The following CCDC13 variants were observed in gnomAD, a reference collection of about 807,000 sequenced individuals.
CCDC13 encodes coiled-coil domain containing 13, also known as coiled-coil domain-containing protein 13.
A neutral mutation model predicts 87.3 loss-of-function variants in CCDC13; 70 were observed. That is an observed-to-expected ratio of 0.80 (90% CI 0.66 to 0.98). The LOEUF (loss-of-function observed/expected upper bound fraction) is 0.98, where lower values mean the gene tolerates loss of function less well. Ranked by LOEUF, CCDC13 falls within the 50% of genes least tolerant of loss-of-function variation. CCDC13 has a pLI of 0.00. For missense variants in CCDC13, 842 were observed against 892.0 expected, an observed-to-expected ratio of 0.94 and a Z score of 0.71; for synonymous variants, 317 against 360.3, an observed-to-expected ratio of 0.88 and a Z score of 1.36.
Position 42,720,963 on chromosome 3 carries a change from G to C in CCDC13, c.1719-7647C>G, listed in dbSNP as rs935365501. 2.6e-5 allele frequency among the ~76,000 whole-genome samples: 4 copies of C among 152,274 alleles called. No individual in the cohort carries two copies. In the South Asian group the frequency reaches 6.2e-4, roughly 24 times the overall value. ...AAATTTATCTATAAGGTTTTATTAA[G>C]AATTGGATTTGACATCAATAACGCA... On this transcript the variant is annotated intron_variant, in intron 13 of 15. Transcript: ENST00000310232.
intron 4 of CCDC13, 39 bp from the exon 5 acceptor site, chr3:42,752,064 G>A (rs769681932): frequency 2.4e-5 from 38 of 1,556,582 alleles, no homozygotes; most frequent in Non-Finnish European, 3.2e-5. Flanking sequence ...TCTGCTCAGC[G>A]ATTGTGCAGC....
intron 13 of CCDC13, among the ~76,000 whole-genome samples, chr3:42,721,274 T>C (rs1161484660): frequency 1.3e-5 from 2 of 152,224 alleles, no homozygotes; most frequent in East Asian, 1.9e-4. Context: ...ACAATTGTTG[T>C]CCTGTTTTAA....
Position 42,709,801 on chromosome 3 carries a change from G to C in CCDC13, c.1874-3C>G. 1 of 1,612,498 alleles carries C rather than the reference G, an allele frequency of 6.2e-7. No homozygotes were observed. The highest frequency in any genetic ancestry group is 8.5e-7 in the Non-Finnish European group (1 of 1,178,538). ...CCTGTTGTTAGAGGTGGGCAGACCT[G>C]TGGGGCAGCAGCAACCACTTTCTGT... On this transcript the variant is annotated splice_region_variant and splice_polypyrimidine_tract_variant and intron_variant, in intron 14 of 15. Transcript: ENST00000310232.
At chr3:42,739,500 T>G in intron 9 of CCDC13, 134 bp downstream of exon 9, 1 of 984,550 alleles carries the variant, frequency 1.0e-6, no homozygotes, top group Non-Finnish European at 1.5e-6. Flanking sequence ...CTGGGGGCCA[T>G]CTGGAGGCAA....
chr3:42,746,991 C>T (rs1335342557), intron 6 of CCDC13: 6 of 571,590 alleles, frequency 1.0e-5, no homozygotes, highest in East Asian at 6.5e-5. Context: ...CCTCCTCAGT[C>T]TAGAGCTGGG....
chr3:42,732,780 G>A, intron 12 of CCDC13, 107 bp downstream of exon 12: 1 of 935,386 alleles, frequency 1.1e-6, no homozygotes, highest in South Asian at 1.6e-5. Flanking sequence ...AGAGTCCCTG[G>A]ACTTTGCCTG....
intron 9 of CCDC13, among the ~76,000 whole-genome samples, chr3:42,737,078 G>A (rs1258484928): frequency 3.7e-5 from 5 of 134,630 alleles, no homozygotes; most frequent in Admixed American, 7.6e-5. Context: ...CCCACCCACC[G>A]ACAGGCCCTG....
chr3:42,728,062 T>C lies in CCDC13; in HGVS notation c.1718+2405A>G, dbSNP rs185170940. On this transcript the variant is annotated intron_variant, in intron 13 of 15. Transcript: ENST00000310232. Reference sequence around the variant, plus strand: ...GAGACATATTTAGTGACTTTTGTCATGGTGGACTAACCAACTCCTATTGTA... The same window carrying C: ...GAGACATATTTAGTGACTTTTGTCACGGTGGACTAACCAACTCCTATTGTA... Among the ~76,000 whole-genome samples the C allele has an allele frequency of 6.6e-4, 101 of 152,384 alleles. 2 individuals carry two copies. Among genetic ancestry groups the C allele is most frequent in the African/African-American group, 1.8e-3 (75 of 41,592 alleles).
intron 1 of CCDC13, among the ~76,000 whole-genome samples, chr3:42,765,995 G>A (rs1699924515): frequency 6.6e-6 from 1 of 152,200 alleles, no homozygotes; most frequent in South Asian, 2.1e-4. Context: ...GGCCTAGCTA[G>A]GAGGGGGTCT....
intron 13 of CCDC13, among the ~76,000 whole-genome samples, chr3:42,721,318 G>A (rs965294045): frequency 1.3e-5 from 2 of 152,146 alleles, no homozygotes; most frequent in Non-Finnish European, 2.9e-5. Context: ...ATCAACTACA[G>A]GACTTTGACA....
intron 3 of CCDC13, among the ~76,000 whole-genome samples, chr3:42,754,476 T>C (rs1323172278): frequency 6.6e-6 from 1 of 152,136 alleles, no homozygotes; most frequent in Non-Finnish European, 1.5e-5. Context: ...TAATAAAGGA[T>C]CACTGTGAAA....
At position 42,730,609 on chromosome 3, in the gene CCDC13, C is replaced by A. The variant is rs1402254953; in HGVS notation, c.1596-20G>T. ...GAGAACCTGGGACCAGGGTGGAGGG[C>A]AGAGGGCAGAGGTCATCCGAGGCCT... On this transcript the variant is annotated intron_variant, in intron 12 of 15. Coordinates refer to ENST00000310232, the MANE Select transcript of CCDC13 (RefSeq NM_144719.4). 1 of 1,610,960 alleles carries A rather than the reference C, an allele frequency of 6.2e-7. No homozygotes were observed. Among genetic ancestry groups the A allele is most frequent in the Non-Finnish European group, 8.5e-7 (1 of 1,177,510 alleles).
chr3:42,769,988 C>G (rs1024734743), intron 1 of CCDC13, among the ~76,000 whole-genome samples: 9 of 152,368 alleles, frequency 5.9e-5, no homozygotes, highest in East Asian at 1.9e-4. Context: ...GCCTCCCCAA[C>G]GAGCGCCACC....
Position 42,747,289 on chromosome 3 carries a change from A to G in CCDC13, c.688T>C (p.Ser230Pro). ...GCCATCCGCAGCTCCTGCTTCACAGACTGGATCTGGTTTCGGAGGTCACTC... is the reference window on the plus strand; with the variant it reads ...GCCATCCGCAGCTCCTGCTTCACAGGCTGGATCTGGTTTCGGAGGTCACTC... ...KMSDLRNQIQSVKQELRMAQK... is the reference protein window; with the variant it reads ...KMSDLRNQIQPVKQELRMAQK... The change falls in exon 6 of 16, where the codon TCT becomes CCT. Residue 230 changes from serine to proline, a missense_variant. Transcript: ENST00000310232. 6.2e-7 allele frequency: 1 copy of G among 1,614,100 alleles called. No individual in the cohort carries two copies. The highest frequency in any genetic ancestry group is 8.5e-7 in the Non-Finnish European group (1 of 1,180,010).
In CCDC13 at chr3:42,733,452, CT is replaced by C; in HGVS notation, c.1511+17del. Reference sequence around the variant, plus strand: ...TTAATGTTCACTTTCCAACCCCTCCCTCCCATTGTTTTCTTACCGAGAAGAT... The same window carrying C: ...TTAATGTTCACTTTCCAACCCCTCCCCCCATTGTTTTCTTACCGAGAAGAT... On this transcript the variant is annotated intron_variant, in intron 11 of 15. Transcript: ENST00000310232. The C allele has an allele frequency of 6.2e-7, 1 of 1,614,012 alleles. No homozygotes were observed. Among genetic ancestry groups the C allele is most frequent in the Non-Finnish European group, 8.5e-7 (1 of 1,179,926 alleles).
chr3:42,758,395 C>G (rs201839576), intron 1 of CCDC13, 44 bp from the exon 2 acceptor site: 2 of 1,586,922 alleles, frequency 1.3e-6, no homozygotes, highest in Non-Finnish European at 1.7e-6. Flanking sequence ...AACTCCACAC[C>G]GAGCGCTCAG....
At chr3:42,740,000 G>T (rs970458026) in intron 8 of CCDC13, among the ~76,000 whole-genome samples, 190 bp from the exon 9 acceptor site, 1 of 152,072 alleles carries the variant, frequency 6.6e-6, no homozygotes, top group Non-Finnish European at 1.5e-5. Flanking sequence ...CAGGTGGCCA[G>T]CAGCCTCCCA....
chr3:42,720,698 TAAGC>T (rs2125874430), intron 13 of CCDC13, among the ~76,000 whole-genome samples: 1 of 152,314 alleles, frequency 6.6e-6, no homozygotes, highest in Admixed American at 6.5e-5. Flanking sequence ...ACTAAAGGTT[TAAGC>T]AAGGGGTGGA....
intron 6 of CCDC13, chr3:42,746,725 G>A (rs1292106959): frequency 5.5e-6 from 1 of 181,610 alleles, no homozygotes. Flanking sequence ...ACAAATGCCA[G>A]AGAATTCGCT....
Sources: allele counts gnomAD v4.1 joint callset (sites outside exome capture counted in the v4.1 genomes callset), GRCh38; gene constraint gnomAD v4.1.1; transcripts MANE v1.5; gene names NCBI Gene and HGNC (gene_info 2026-07-23, HGNC 2026-07-21).